The following NAALADL2 variants were observed in gnomAD, a reference collection of about 807,000 sequenced individuals.
NAALADL2 encodes the protein inactive N-acetylated-alpha-linked acidic dipeptidase-like protein 2.
NAALADL2 carries 76 observed loss-of-function variants against 87.2 expected under a neutral mutation model. The observed-to-expected ratio is 0.87, with a 90% CI of 0.72 to 1.05. The LOEUF is 1.05. Among genes scored for constraint, NAALADL2 ranks in the 50% least tolerant of loss-of-function variants. The probability of loss-of-function intolerance (pLI) is 0.00; values close to 1 mark genes in which losing one functional copy is unlikely to be tolerated. For synonymous variants in NAALADL2, 354 were observed against 331.0 expected (o/e 1.07, Z -0.75); for missense variants, 1,089 against 945.8 (o/e 1.15, Z -1.99).
intron 6 of NAALADL2, among the ~76,000 whole-genome samples, chr3:175,450,955 T>C (rs957426639): frequency 1.3e-5 from 2 of 151,710 alleles, no homozygotes; most frequent in African/African-American, 4.8e-5. Flanking sequence ...GCATCCTACC[T>C]GAAAATAAAG....
intron 1 of NAALADL2, among the ~76,000 whole-genome samples, chr3:174,960,931 A>G (rs893964182): frequency 2.0e-5 from 3 of 151,594 alleles, no homozygotes; most frequent in Non-Finnish European, 4.4e-5. Context: ...CAGCTACTTA[A>G]GAGGCTGAAG....
chr3:175,206,264 T>TA (rs750185480), intron 2 of NAALADL2, among the ~76,000 whole-genome samples: 5,713 of 69,470 alleles, frequency 0.082, 262 homozygotes, highest in Non-Finnish European at 0.11. Flanking sequence ...ATATATATAT[T>TA]TTTTTTTTTC....
At chr3:175,731,594 A>G (rs1583042301) in intron 11 of NAALADL2, among the ~76,000 whole-genome samples, 1 of 152,204 alleles carries the variant, frequency 6.6e-6, no homozygotes, top group African/African-American at 2.4e-5. Flanking sequence ...AAGAATATGC[A>G]GTGTGGCTCA....
intron 5 of NAALADL2, among the ~76,000 whole-genome samples, chr3:175,349,796 C>A (rs1445853672): frequency 6.6e-6 from 1 of 152,038 alleles, no homozygotes; most frequent in Non-Finnish European, 1.5e-5. Flanking sequence ...TGTCAAGAAC[C>A]TGATGAGTGC....
chr3:175,155,407 A>T (rs927906709), intron 2 of NAALADL2, among the ~76,000 whole-genome samples: 1 of 152,156 alleles, frequency 6.6e-6, no homozygotes, highest in Non-Finnish European at 1.5e-5. Flanking sequence ...AATCAAAGTG[A>T]CAAAAACCAA....
chr3:175,201,477 A>G (rs984806397), intron 2 of NAALADL2, among the ~76,000 whole-genome samples: 37 of 152,210 alleles, frequency 2.4e-4, no homozygotes, highest in African/African-American at 8.4e-4. Context: ...ATCATTCAAC[A>G]TATCATGAGC....
chr3:174,951,376 A>T (rs1211102810), intron 1 of NAALADL2, among the ~76,000 whole-genome samples: 1 of 152,226 alleles, frequency 6.6e-6, no homozygotes, highest in African/African-American at 2.4e-5. Flanking sequence ...GCAAGCTCAC[A>T]TTATGAACAA....
chr3:175,360,545 G>A lies in NAALADL2; in HGVS notation c.1090+36220G>A, dbSNP rs528212668. On this transcript the variant is annotated intron_variant, in intron 5 of 13. Transcript: ENST00000454872. ...ACATTCTCCAGTAACTTCTCAGAAA[G>A]AGTGGACAGGAGATATAAGTGTTGA... 2.0e-5 allele frequency among the ~76,000 whole-genome samples: 3 copies of A among 152,094 alleles called. No homozygotes were observed. The East Asian group carries it at 5.8e-4, about 29-fold the overall frequency.
intron 3 of NAALADL2, among the ~76,000 whole-genome samples, chr3:174,759,654 A>G (rs1426386006): frequency 6.6e-6 from 1 of 152,110 alleles, no homozygotes; most frequent in Non-Finnish European, 1.5e-5. Flanking sequence ...ACCAAACCAA[A>G]TCTACTAACA....
chr3:174,592,541 TA>T lies in NAALADL2; in HGVS notation c.-115+41905del, dbSNP rs951515715. 1.7e-4 allele frequency among the ~76,000 whole-genome samples: 26 copies of T among 152,286 alleles called. 1 individual carries two copies. Among genetic ancestry groups the T allele is most frequent in the African/African-American group, 6.3e-4 (26 of 41,582 alleles). ...ATTTGGATATTATAGGACTTTCCCT[TA>T]GAATCTTTTTCATCTTTAGATGATC... is the stretch of plus-strand genomic sequence containing the variant. On this transcript the variant is annotated intron_variant, in intron 2 of 3. Coordinates refer to the NAALADL2 transcript ENST00000434257.
intron 12 of NAALADL2, among the ~76,000 whole-genome samples, chr3:175,742,973 C>T (rs1745445744): frequency 6.6e-6 from 1 of 151,470 alleles, no homozygotes; most frequent in Admixed American, 6.6e-5. Flanking sequence ...TGTCTTACTT[C>T]AGAGGAAGGT....
chr3:175,121,508 G>A lies in NAALADL2; in HGVS notation c.545+24217G>A, dbSNP rs575060263. On this transcript the variant is annotated intron_variant, in intron 2 of 13. Transcript: ENST00000454872. ...TTCATTACTGGCTGTGGTTGCAGCT[G>A]TTACCTGAGGGTAAGAGAGCTGAGG... Among the ~76,000 whole-genome samples, 16 of 151,934 alleles carry A rather than the reference G, an allele frequency of 1.1e-4. No homozygotes were observed. In the South Asian group the frequency reaches 2.9e-3, roughly 28 times the overall value.
intron 5 of NAALADL2, among the ~76,000 whole-genome samples, chr3:175,394,197 A>G (rs1475510590): frequency 6.6e-6 from 1 of 152,232 alleles, no homozygotes; most frequent in Non-Finnish European, 1.5e-5. Context: ...TACAAAAGCA[A>G]AAACAGACCA....
chr3:175,267,128 T>C (rs991921697), intron 4 of NAALADL2, among the ~76,000 whole-genome samples: 1 of 152,022 alleles, frequency 6.6e-6, no homozygotes, highest in African/African-American at 2.4e-5. Flanking sequence ...AGCATTGTTG[T>C]AGCTATTTCA....
intron 4 of NAALADL2, among the ~76,000 whole-genome samples, chr3:175,305,362 T>TA (rs1490763118): frequency 1.3e-5 from 2 of 152,112 alleles, no homozygotes; most frequent in East Asian, 3.9e-4. Context: ...TGTATGTTCT[T>TA]ACAATTTTTG....
rs557425690 is a variant in NAALADL2 at position 175,286,964 on chromosome 3, C to T, written c.939+30434C>T. 6.4e-4 allele frequency among the ~76,000 whole-genome samples: 33 copies of T among 51,824 alleles called. No individual in the cohort carries two copies. In the East Asian group the frequency reaches 0.016, roughly 25 times the overall value. 34.0% of individuals were successfully genotyped at this position (51,824 alleles called of 152,430 possible). The stretch of plus-strand genomic sequence containing the variant: ...AGGCAGGGTGGTCTGTGCCCCTAGT[C>T]GGAGGGTATGGTGGGGGTGGAGGGG... On this transcript the variant is annotated intron_variant, in intron 4 of 13. Transcript: ENST00000454872.
intron 2 of NAALADL2, among the ~76,000 whole-genome samples, chr3:174,663,403 G>T (rs193253938): frequency 6.6e-6 from 1 of 152,224 alleles, no homozygotes; most frequent in African/African-American, 2.4e-5. Context: ...AGGTTTATTT[G>T]GCTTCCAATT....
intron 2 of NAALADL2, among the ~76,000 whole-genome samples, chr3:175,143,023 C>T (rs1730229623): frequency 6.6e-6 from 1 of 151,804 alleles, no homozygotes; most frequent in Admixed American, 6.6e-5. Context: ...TAATATTGGC[C>T]TTGGAGCATG....
intron 5 of NAALADL2, among the ~76,000 whole-genome samples, chr3:175,340,357 C>T (rs1762445092): frequency 6.6e-6 from 1 of 152,096 alleles, no homozygotes; most frequent in South Asian, 2.1e-4. Context: ...CCAGATGATT[C>T]ATATCAGGAT....
Sources: gnomAD v4.1 joint callset for allele counts (sites outside exome capture counted in the v4.1 genomes callset) on GRCh38, gnomAD v4.1.1 for gene constraint, MANE v1.5 for transcripts, NCBI Gene and HGNC (gene_info 2026-07-23, HGNC 2026-07-21) for gene names.